Variants in MME observed in about 807,000 individuals in gnomAD.
MME encodes membrane metalloendopeptidase.
Under a neutral mutation model 113.2 loss-of-function variants are expected in MME, and 98 were observed. The ratio of observed to expected loss-of-function variants is 0.87; its 90% CI spans 0.74 to 1.02. MME has a LOEUF of 1.02. MME is among the 50% of genes least tolerant of loss of function. MME has a pLI of 0.00. For synonymous variants in MME, 292 were observed against 300.6 expected, an observed-to-expected ratio of 0.97 and a Z score of 0.30; for missense variants, 836 against 896.0, an observed-to-expected ratio of 0.93 and a Z score of 0.86.
rs548863653 is a variant in MME at position 155,152,384 on chromosome 3, G to A, written c.1601+3731G>A. ...CCAGTACATTTTACTACGTTTAGTT[G>A]GACTAGCCCCTATTGAAAGCAAAAA... On this transcript the variant is annotated intron_variant, in intron 16 of 22. Transcript: ENST00000360490. 2.0e-5 allele frequency among the ~76,000 whole-genome samples: 3 copies of A among 152,182 alleles called. No individual in the cohort carries two copies. In the South Asian group the frequency reaches 6.2e-4, roughly 32 times the overall value.
At chr3:155,154,494 C>T (rs1722173772) in intron 16 of MME, among the ~76,000 whole-genome samples, 1 of 152,138 alleles carries the variant, frequency 6.6e-6, no homozygotes, top group Non-Finnish European at 1.5e-5. Flanking sequence ...TAGAATGTGT[C>T]TGAGGTTCTT....
chr3:155,129,196 A>G (rs2108285781), intron 8 of MME, among the ~76,000 whole-genome samples: 1 of 152,302 alleles, frequency 6.6e-6, no homozygotes. Context: ...CTATAATTTT[A>G]AAACTTTAGT....
chr3:155,042,918 A>ATATATATATATATATG (rs1559890060), intron 1 of MME, among the ~76,000 whole-genome samples: 377 of 53,412 alleles, frequency 7.1e-3, no homozygotes, highest in Non-Finnish European at 0.01. Context: ...ATATATATAT[A>ATATATATATATATATG]TATATATATA....
chr3:155,032,426 A>T (rs1212253003), intron 1 of MME, among the ~76,000 whole-genome samples: 2 of 152,240 alleles, frequency 1.3e-5, no homozygotes, highest in Non-Finnish European at 2.9e-5. Context: ...TAAAAAGTAA[A>T]AATCCCAAAT....
chr3:155,154,384 A>G (rs1208503920), intron 16 of MME, among the ~76,000 whole-genome samples: 1 of 152,102 alleles, frequency 6.6e-6, no homozygotes, highest in Non-Finnish European at 1.5e-5. Flanking sequence ...ATGAGTGCCT[A>G]ATACTCTTTT....
intron 18 of MME, among the ~76,000 whole-genome samples, chr3:155,167,544 T>G (rs1723195102): frequency 6.6e-6 from 1 of 152,028 alleles, no homozygotes. Context: ...AGAGTTTCAA[T>G]CAAAGCTGAA....
intron 13 of MME, 75 bp from the exon 14 acceptor site, chr3:155,144,284 G>A (rs1721339622): frequency 2.1e-6 from 2 of 968,464 alleles, no homozygotes; most frequent in East Asian, 2.4e-5. Flanking sequence ...AAGATAGCAT[G>A]TAGCTCTATT....
Position 155,168,578 on chromosome 3 carries a change from G to A in MME, c.1867G>A (p.Val623Met), listed in dbSNP as rs762183866. ...CTTTAAGGAGCAATCCCAGTGCATG[G>A]TGTATCAGTATGGAAACTTTTCCTG... is the stretch of plus-strand genomic sequence containing the variant. The part of the protein sequence containing the change: ...SNFKEQSQCM[V>M]YQYGNFSWDL... The change falls in exon 19 of 23, where the codon GTG becomes ATG. Residue 623 changes from valine to methionine, a missense_variant. By Grantham distance (21) the Val-to-Met change is conservative (BLOSUM62 1). Transcript: ENST00000360490. 8 of 1,613,738 alleles carry A rather than the reference G, an allele frequency of 5.0e-6. No individual in the cohort carries two copies. The highest frequency in any genetic ancestry group is 1.6e-4 in the Middle Eastern group (1 of 6,082).
chr3:155,087,498 G>A (rs1399023953), intron 3 of MME, among the ~76,000 whole-genome samples: 1 of 152,110 alleles, frequency 6.6e-6, no homozygotes, highest in Non-Finnish European at 1.5e-5. Context: ...ATGTGCCCAA[G>A]TTGTCAAAGT....
At chr3:155,057,899 T>C (rs1328182643) in intron 1 of MME, among the ~76,000 whole-genome samples, 1 of 152,180 alleles carries the variant, frequency 6.6e-6, no homozygotes, top group Non-Finnish European at 1.5e-5. Flanking sequence ...TGTATTTGAT[T>C]CTTGCTGCCA....
chr3:155,119,749 A>AGAT (rs1718959703), intron 8 of MME, among the ~76,000 whole-genome samples: 2 of 147,132 alleles, frequency 1.4e-5, no homozygotes. Context: ...TGAACTCATC[A>AGAT]TTTTTTATGG....
chr3:155,099,122 G>A (rs968628), intron 3 of MME, among the ~76,000 whole-genome samples: 90,864 of 151,908 alleles, frequency 0.6, 28,421 homozygotes, highest in African/African-American at 0.77. Context: ...CCACCTGATG[G>A]GATTAGTTCA....
chr3:155,119,742 A>T (rs1272307032), intron 8 of MME, among the ~76,000 whole-genome samples: 1,622 of 130,184 alleles, frequency 0.012, no homozygotes, highest in South Asian at 0.026. Context: ...AAGGACATGA[A>T]CTCATCATTT....
chr3:155,079,391 T>G (rs1714912057), upstream of MME, among the ~76,000 whole-genome samples: 1 of 151,984 alleles, frequency 6.6e-6, no homozygotes, highest in African/African-American at 2.4e-5. Flanking sequence ...AGAGCCCGTG[T>G]ATTGTTTTCT....
At position 155,084,235 on chromosome 3, in the gene MME, G is replaced by C. The variant is rs201850855; in HGVS notation, c.68G>C (p.Arg23Pro). 9 of 1,613,924 alleles carry C rather than the reference G, an allele frequency of 5.6e-6. No individual in the cohort carries two copies. The East Asian group carries it at 2.0e-4, about 36-fold the overall frequency. The stretch of plus-strand genomic sequence containing the variant: ...ACTCCAAAGCCAAAGAAGAAACAGC[G>C]ATGGACTCCACTGGAGATCAGCCTC... ...INTPKPKKKQRWTPLEISLSV... is the reference protein window; with the variant it reads ...INTPKPKKKQPWTPLEISLSV... The change falls in exon 2 of 23, where the codon CGA becomes CCA. Residue 23 changes from arginine to proline, a missense_variant. By Grantham distance (103) the Arg-to-Pro change is moderately radical (BLOSUM62 -2). Coordinates refer to ENST00000360490, the MANE Select transcript of MME (RefSeq NM_007289.4).
chr3:155,162,626 CT>C lies in MME; in HGVS notation c.1660+2185del, dbSNP rs564943804. On this transcript the variant is annotated intron_variant, in intron 17 of 22. Coordinates refer to ENST00000360490, the MANE Select transcript of MME (RefSeq NM_007289.4). ...AGAAGGGAAATCCTTGAAATGTACA[CT>C]TTTTTTCTTTCACAATTTAAATCTT... is the stretch of plus-strand genomic sequence containing the variant. Among the ~76,000 whole-genome samples, 229 of 152,188 alleles carry C rather than the reference CT, an allele frequency of 1.5e-3. 1 individual carries two copies. The highest frequency in any genetic ancestry group is 5.0e-3 in the African/African-American group (207 of 41,538).
At chr3:155,128,663 T>C (rs940896913) in intron 8 of MME, among the ~76,000 whole-genome samples, 44 of 152,122 alleles carry the variant, frequency 2.9e-4, no homozygotes, top group African/African-American at 9.9e-4. Context: ...GGTTTCTGTA[T>C]ACTTCTTATT....
chr3:155,091,178 G>A (rs1405447760), intron 3 of MME, among the ~76,000 whole-genome samples: 1 of 152,232 alleles, frequency 6.6e-6, no homozygotes, highest in Non-Finnish European at 1.5e-5. Flanking sequence ...AATGTGGCAT[G>A]TGGCAATTTG....
chr3:155,160,269 G>T, intron 16 of MME, 121 bp from the exon 17 acceptor site: 1 of 757,082 alleles, frequency 1.3e-6, no homozygotes, highest in South Asian at 1.5e-5. Context: ...TTAATTTGTT[G>T]ATCATGTTTC....
Sources: gnomAD v4.1 joint callset for allele counts (sites outside exome capture counted in the v4.1 genomes callset) on GRCh38, gnomAD v4.1.1 for gene constraint, MANE v1.5 for transcripts, NCBI Gene and HGNC (gene_info 2026-07-23, HGNC 2026-07-21) for gene names.